SUSD5: variants seen among roughly 807,000 people sequenced by gnomAD.
SUSD5 encodes sushi domain containing 5, also known as sushi domain-containing protein 5.
In SUSD5, 33 loss-of-function variants were observed where a neutral mutation model predicts 29.5. The ratio of observed to expected loss-of-function variants is 1.12; its 90% confidence interval spans 0.85 to 1.49. The LOEUF is 1.49. Among genes scored for constraint, SUSD5 ranks in the 40% most tolerant of loss-of-function variants. SUSD5 has a pLI of 0.00. For synonymous variants in SUSD5, 308 were observed against 325.3 expected (o/e 0.95, Z 0.57); for missense variants, 776 against 800.6 (o/e 0.97, Z 0.37).
chr3:33,191,024 C>T (rs561634119), intron 3 of SUSD5, among the ~76,000 whole-genome samples: 1 of 152,164 alleles, frequency 6.6e-6, no homozygotes, highest in South Asian at 2.1e-4. Context: ...TATTATGTAC[C>T]CTCTTCACCC....
chr3:33,180,864 T>G (rs1322166835), intron 3 of SUSD5, among the ~76,000 whole-genome samples: 1 of 150,780 alleles, frequency 6.6e-6, no homozygotes, highest in Non-Finnish European at 1.5e-5. Context: ...TTTTTTTTTT[T>G]GTAGACATAG....
chr3:33,158,420 T>G (rs994897356), intron 4 of SUSD5, among the ~76,000 whole-genome samples: 3 of 152,144 alleles, frequency 2.0e-5, no homozygotes, highest in Non-Finnish European at 4.4e-5. Context: ...AGAGCATCTC[T>G]TCTCATCCCA....
At chr3:33,218,632 C>A in intron 1 of SUSD5, 54 bp downstream of exon 1, 1 of 1,248,378 alleles carries the variant, frequency 8.0e-7, no homozygotes, top group Admixed American at 4.2e-5. Context: ...GCTACGCCCT[C>A]CCTGCCCGGA....
At chr3:33,168,590 G>T in intron 4 of SUSD5, 1 of 985,440 alleles carries the variant, frequency 1.0e-6, no homozygotes, top group African/African-American at 1.7e-5. Flanking sequence ...CCATCTCAGG[G>T]CCCTGGAGGC....
At chr3:33,174,137 T>G (rs2031493358) in intron 4 of SUSD5, among the ~76,000 whole-genome samples, 1 of 152,186 alleles carries the variant, frequency 6.6e-6, no homozygotes, top group Non-Finnish European at 1.5e-5. Flanking sequence ...AGGTCACTCC[T>G]GGCATTCAGA....
intron 3 of SUSD5, among the ~76,000 whole-genome samples, chr3:33,195,884 T>C (rs1005672184): frequency 2.0e-5 from 3 of 152,174 alleles, no homozygotes; most frequent in Non-Finnish European, 2.9e-5. Flanking sequence ...GAGACCTTAA[T>C]TTTCTTTATA....
intron 1 of SUSD5, among the ~76,000 whole-genome samples, chr3:33,216,909 G>A (rs930000015): frequency 6.6e-6 from 1 of 152,136 alleles, no homozygotes; most frequent in Non-Finnish European, 1.5e-5. Flanking sequence ...TTACTATAAG[G>A]AAGTATACCT....
intron 4 of SUSD5, among the ~76,000 whole-genome samples, chr3:33,166,001 A>AC (rs1269590214): frequency 7.1e-5 from 7 of 98,860 alleles, no homozygotes; most frequent in Non-Finnish European, 1.3e-4. Flanking sequence ...ACAGAGTGAG[A>AC]CCCCCCTCTC....
Position 33,153,336 on chromosome 3 carries a change from G to A in SUSD5, c.1296C>T (p.Thr432=). The A allele has an allele frequency of 6.2e-7, 1 of 1,613,876 alleles. No individual in the cohort carries two copies. The highest frequency in any genetic ancestry group is 8.5e-7 in the Non-Finnish European group (1 of 1,179,850). The change falls in exon 5 of 5, where the codon ACC becomes ACT. Residue 432 remains threonine (T), a synonymous_variant. Coordinates refer to ENST00000309558, the MANE Select transcript of SUSD5 (RefSeq NM_015551.2). ...SSTLTPSEGM[T]HSSVLPSQML... is the part of the protein sequence containing the mutation. Reference sequence around the variant, plus strand: ...TTTGAGATGGAAGAACTGAACTATGGGTCATGCCCTCGCTTGGTGTGAGGG... The same window carrying A: ...TTTGAGATGGAAGAACTGAACTATGAGTCATGCCCTCGCTTGGTGTGAGGG...
chr3:33,215,285 G>C (rs1038094992), intron 1 of SUSD5, among the ~76,000 whole-genome samples: 1 of 152,014 alleles, frequency 6.6e-6, no homozygotes, highest in Admixed American at 6.6e-5. Flanking sequence ...CTTGATGTAA[G>C]AACCTATGTG....
intron 1 of SUSD5, 83 bp downstream of exon 1, chr3:33,218,603 G>A (rs1407325432): frequency 1.7e-6 from 2 of 1,174,582 alleles, no homozygotes; most frequent in Non-Finnish European, 2.2e-6. Flanking sequence ...GGGCCGGTCA[G>A]AGGGAGCAGC....
chr3:33,206,504 T>C (rs2032223048), intron 3 of SUSD5, among the ~76,000 whole-genome samples: 1 of 151,938 alleles, frequency 6.6e-6, no homozygotes, highest in South Asian at 2.1e-4. Context: ...CCTGGATTTT[T>C]TGAAAACCAA....
chr3:33,169,275 C>CA (rs2031370768), intron 4 of SUSD5, among the ~76,000 whole-genome samples: 1 of 152,090 alleles, frequency 6.6e-6, no homozygotes, highest in Admixed American at 6.5e-5. Context: ...GGCTGGAGCA[C>CA]AATGGCACAA....
chr3:33,213,246 TA>T (rs895756774), intron 2 of SUSD5, among the ~76,000 whole-genome samples: 25 of 147,992 alleles, frequency 1.7e-4, no homozygotes, highest in South Asian at 1.5e-3. Flanking sequence ...TTTACCTCTA[TA>T]AAAAAAAAAT....
intron 4 of SUSD5, among the ~76,000 whole-genome samples, chr3:33,160,917 C>T (rs561122129): frequency 2.6e-5 from 4 of 152,020 alleles, no homozygotes; most frequent in East Asian, 1.9e-4. Flanking sequence ...GACAGAAGAA[C>T]GTAAAAGCAA....
chr3:33,158,081 A>G (rs959281938), intron 4 of SUSD5, among the ~76,000 whole-genome samples: 2 of 152,252 alleles, frequency 1.3e-5, no homozygotes, highest in Non-Finnish European at 2.9e-5. Flanking sequence ...GAAAGAATAA[A>G]TGGTTCTGGA....
chr3:33,166,968 C>T (rs2031317500), intron 4 of SUSD5, among the ~76,000 whole-genome samples: 1 of 152,162 alleles, frequency 6.6e-6, no homozygotes, highest in Non-Finnish European at 1.5e-5. Context: ...CACCTGAGGT[C>T]AGGAGTTCGA....
In SUSD5 at chr3:33,153,779, C is replaced by G; in HGVS notation, c.853G>C (p.Gly285Arg). Residue 285 changes from glycine to arginine, a missense_variant, in exon 5 of 5, where the codon GGA (glycine) becomes CGA (arginine). Transcript: ENST00000309558. ...AAGTGCTTCTGGAGCAGCCGTGATC[C>G]TGGTGAATCTGCGGGGACACTGCTC... ...AGSSVPADSP[G>R]SRLLQKHLFW... 1 of 1,614,044 alleles carries G rather than the reference C, an allele frequency of 6.2e-7. No homozygotes were observed.
At chr3:33,217,466 G>A (rs2032444362) in intron 1 of SUSD5, among the ~76,000 whole-genome samples, 2 of 152,292 alleles carry the variant, frequency 1.3e-5, no homozygotes, top group African/African-American at 4.8e-5. Context: ...CAAATTTTAT[G>A]TGAAATACAT....
Sources: allele counts gnomAD v4.1 joint callset (sites outside exome capture counted in the v4.1 genomes callset), GRCh38; gene constraint gnomAD v4.1.1; transcripts MANE v1.5; gene names NCBI Gene and HGNC (gene_info 2026-07-23, HGNC 2026-07-21).